The following CSPP1 variants were observed in gnomAD, a reference collection of about 807,000 sequenced individuals.
CSPP1 encodes centrosome and spindle pole-associated protein 1.
A neutral mutation model predicts 164.4 loss-of-function variants in CSPP1; 126 were observed. That is an observed-to-expected ratio of 0.77 (90% CI 0.66 to 0.89). CSPP1 has a LOEUF of 0.89. Among genes scored for constraint, CSPP1 ranks in the 40% least tolerant of loss-of-function variants. The pLI, the probability that CSPP1 is intolerant of heterozygous loss-of-function variation, is 0.00. For missense variants in CSPP1, 1,395 were observed against 1,449.8 expected, an observed-to-expected ratio of 0.96 and a Z score of 0.61; for synonymous variants, 472 against 476.7, an observed-to-expected ratio of 0.99 and a Z score of 0.13.
At chr8:67,067,622 C>T (rs576593107) in intron 1 of CSPP1, among the ~76,000 whole-genome samples, 2 of 152,160 alleles carry the variant, frequency 1.3e-5, no homozygotes, top group East Asian at 1.9e-4. Context: ...TGCCACCAAG[C>T]CTGGCTAATT....
chr8:67,159,858 TTCTTTCTTTCTTTCTTTC>T (rs1164203226), intron 21 of CSPP1, among the ~76,000 whole-genome samples: 2 of 24,310 alleles, frequency 8.2e-5, no homozygotes, highest in African/African-American at 2.4e-4. Context: ...TTCTTTTTCT[TTCTTTCTTTCTTTCTTTC>T]TTTCTTTCTT....
intron 1 of CSPP1, among the ~76,000 whole-genome samples, chr8:67,069,721 T>A (rs1806317752): frequency 6.6e-6 from 1 of 151,252 alleles, no homozygotes; most frequent in African/African-American, 2.4e-5. Flanking sequence ...TGCAGTGGCA[T>A]GATCTCGGCT....
chr8:67,077,329 T>C (rs1053378352), intron 3 of CSPP1, among the ~76,000 whole-genome samples: 1 of 151,724 alleles, frequency 6.6e-6, no homozygotes, highest in African/African-American at 2.4e-5. Flanking sequence ...TGTATGAATA[T>C]ATATAATTTT....
chr8:67,141,092 T>G (rs1823398518), intron 17 of CSPP1, among the ~76,000 whole-genome samples: 1 of 152,196 alleles, frequency 6.6e-6, no homozygotes. Flanking sequence ...TGTGCTTAAC[T>G]GAGTGAAACA....
intron 1 of CSPP1, 24 bp downstream of exon 1, chr8:67,064,562 T>TG: frequency 6.3e-7 from 1 of 1,577,084 alleles, no homozygotes; most frequent in South Asian, 1.1e-5. Flanking sequence ...TGGTGTAGGT[T>TG]GAGGGTGGAG....
chr8:67,167,218 G>C (rs534738437), intron 24 of CSPP1, among the ~76,000 whole-genome samples: 15 of 145,538 alleles, frequency 1.0e-4, no homozygotes, highest in African/African-American at 2.8e-4. Context: ...ATCATGGCCC[G>C]TTCTCAATGA....
chr8:67,180,805 T>C (rs887479932), intron 28 of CSPP1, among the ~76,000 whole-genome samples: 1 of 152,234 alleles, frequency 6.6e-6, no homozygotes, highest in African/African-American at 2.4e-5. Flanking sequence ...AAAAAAGTCA[T>C]AAGACTTTTA....
At chr8:67,076,097 T>TC (rs997246896) in intron 2 of CSPP1, among the ~76,000 whole-genome samples, 1 of 152,120 alleles carries the variant, frequency 6.6e-6, no homozygotes, top group Non-Finnish European at 1.5e-5. Context: ...TTTTTTTTTT[T>TC]CCATAACCAC....
In CSPP1 at chr8:67,195,389, G is replaced by T. The variant is rs1423924201; in HGVS notation, c.3477G>T (p.Glu1159Asp). Residue 1159 changes from glutamate (E) to aspartate (D), a missense_variant, in exon 31 of 31, where the codon GAG becomes GAT. Coordinates refer to ENST00000678616, the MANE Select transcript of CSPP1 (RefSeq NM_001382391.1). The stretch of plus-strand genomic sequence containing the variant: ...GTCCCTTGCCTCCTGTAGATGATGA[G>T]AGTTCACTGGTTGACCCTGATGACA... ...FHNKPINTDD[E>D]SSLVDPDDIM... 1.2e-6 allele frequency: 2 copies of T among 1,613,376 alleles called. No individual in the cohort carries two copies. The highest frequency in any genetic ancestry group is 2.2e-5 in the South Asian group (2 of 91,046).
In CSPP1 at chr8:67,095,378, AGGG is replaced by A. The variant is rs754333232; in HGVS notation, c.570_572del (p.Glu190_Gly191delinsAsp). On this transcript the variant is annotated inframe_deletion, in exon 7 of 31. Coordinates refer to ENST00000678616, the MANE Select transcript of CSPP1 (RefSeq NM_001382391.1). ...ATACAGACATCTTGTGAAAATTCAG[AGGG>A]TCCTAGAAAAGATGTCTTAACTCCT... 3 of 1,609,074 alleles carry A rather than the reference AGGG, an allele frequency of 1.9e-6. No homozygotes were observed. In the Admixed American group the frequency reaches 5.1e-5, roughly 27 times the overall value.
upstream of CSPP1, chr8:67,064,387 C>G (rs376151631): frequency 1.9e-6 from 3 of 1,612,188 alleles, no homozygotes; most frequent in Non-Finnish European, 2.5e-6. Flanking sequence ...AGCCCCGGCC[C>G]GGAGGTCTGT....
At chr8:67,101,654 A>C (rs1216909922) in intron 7 of CSPP1, among the ~76,000 whole-genome samples, 2 of 152,220 alleles carry the variant, frequency 1.3e-5, no homozygotes, top group Non-Finnish European at 2.9e-5. Context: ...ATAGTTACTA[A>C]GATTAAAATT....
At chr8:67,086,720 G>GTTT in intron 4 of CSPP1, 2 of 496,966 alleles carry the variant, frequency 4.0e-6, no homozygotes, top group Admixed American at 6.6e-5. Flanking sequence ...ACTGCTTTAT[G>GTTT]TTTGTTCCAA....
At chr8:67,116,445 A>G (rs553216126) in intron 13 of CSPP1, among the ~76,000 whole-genome samples, 7 of 151,996 alleles carry the variant, frequency 4.6e-5, no homozygotes, top group South Asian at 4.2e-4. Context: ...ATTTTTTTCA[A>G]TTTTGTTCTT....
chr8:67,086,829 A>G (rs372261084), intron 4 of CSPP1: 2 of 1,360,786 alleles, frequency 1.5e-6, no homozygotes, highest in Non-Finnish European at 2.0e-6. Context: ...TTAGGGCATT[A>G]CACAAGGGAA....
At chr8:67,093,259 A>G (rs150146131) in intron 5 of CSPP1, among the ~76,000 whole-genome samples, 1 of 151,940 alleles carries the variant, frequency 6.6e-6, no homozygotes, top group Non-Finnish European at 1.5e-5. Flanking sequence ...GAACGAAGCA[A>G]CTCCCTTCTG....
chr8:67,121,046 G>T (rs891226687), intron 15 of CSPP1, among the ~76,000 whole-genome samples: 3 of 151,846 alleles, frequency 2.0e-5, no homozygotes, highest in Non-Finnish European at 1.5e-5. Context: ...GTAGAGACAG[G>T]GTTTCACCAT....
At chr8:67,149,016 T>C (rs1440944244) in intron 17 of CSPP1, among the ~76,000 whole-genome samples, 2 of 152,184 alleles carry the variant, frequency 1.3e-5, no homozygotes, top group Non-Finnish European at 2.9e-5. Context: ...TCCCTCATAA[T>C]GTTGGAGTCC....
chr8:67,182,670 C>G (rs1833355284), intron 28 of CSPP1, among the ~76,000 whole-genome samples: 1 of 152,220 alleles, frequency 6.6e-6, no homozygotes. Flanking sequence ...TGAATAGTAG[C>G]AATCCTTACG....
Sources: allele counts gnomAD v4.1 joint callset (sites outside exome capture counted in the v4.1 genomes callset), GRCh38; gene constraint gnomAD v4.1.1; transcripts MANE v1.5; gene names NCBI Gene and HGNC (gene_info 2026-07-23, HGNC 2026-07-21).